CMSS1: variants seen among roughly 807,000 people sequenced by gnomAD.
The protein encoded by CMSS1 is protein CMSS1.
In CMSS1, 33 loss-of-function variants were observed where a neutral mutation model predicts 43.5. The observed-to-expected ratio is 0.76, with a 90% CI of 0.57 to 1.01. The LOEUF (loss-of-function observed/expected upper bound fraction) is 1.01. CMSS1 is among the 50% of genes least tolerant of loss of function. The probability of loss-of-function intolerance (pLI) is 0.00; values close to 1 mark genes in which losing one functional copy is unlikely to be tolerated. For missense variants in CMSS1, 313 were observed against 326.4 expected, an observed-to-expected ratio of 0.96 and a Z score of 0.32; for synonymous variants, 115 against 117.2, an observed-to-expected ratio of 0.98 and a Z score of 0.12.
intron 1 of CMSS1, among the ~76,000 whole-genome samples, chr3:99,820,342 G>A (rs1262046389): frequency 6.6e-6 from 1 of 151,638 alleles, no homozygotes; most frequent in Non-Finnish European, 1.5e-5. Flanking sequence ...GATTACAGGA[G>A]CCTGCCACCA....
intron 1 of CMSS1, among the ~76,000 whole-genome samples, chr3:100,048,684 C>G (rs2065317854): frequency 6.6e-6 from 1 of 152,162 alleles, no homozygotes; most frequent in Admixed American, 6.5e-5. Context: ...CTGTTAACAT[C>G]TCACTAAAGG....
chr3:100,050,048 G>C (rs910220364), intron 1 of CMSS1, among the ~76,000 whole-genome samples: 5 of 152,162 alleles, frequency 3.3e-5, no homozygotes, highest in African/African-American at 1.2e-4. Context: ...AAGCTTCCTA[G>C]TGGCCTAAGT....
intron 1 of CMSS1, among the ~76,000 whole-genome samples, chr3:99,890,588 A>C (rs1390938941): frequency 6.6e-6 from 1 of 152,056 alleles, no homozygotes; most frequent in East Asian, 1.9e-4. Context: ...AATTTCTTTG[A>C]ATTTTTCTTC....
At chr3:99,850,750 A>G in intron 1 of CMSS1, 1 of 1,614,044 alleles carries the variant, frequency 6.2e-7, no homozygotes. Flanking sequence ...CTTCGCCATA[A>G]TTGTGTCTTG....
At chr3:100,009,905 C>G (rs1478839200) in intron 1 of CMSS1, among the ~76,000 whole-genome samples, 1 of 152,152 alleles carries the variant, frequency 6.6e-6, no homozygotes. Flanking sequence ...AAAGTAAATA[C>G]CACTTTCTTT....
At chr3:100,001,447 A>T (rs994174124) in intron 1 of CMSS1, among the ~76,000 whole-genome samples, 3 of 152,232 alleles carry the variant, frequency 2.0e-5, no homozygotes, top group Non-Finnish European at 4.4e-5. Context: ...GATCAAAAAG[A>T]TTATACCATC....
chr3:99,820,208 T>C (rs1268586312), intron 1 of CMSS1, among the ~76,000 whole-genome samples: 1 of 152,084 alleles, frequency 6.6e-6, no homozygotes, highest in Non-Finnish European at 1.5e-5. Context: ...CCCTTTTTTT[T>C]TTTTTGAGAC....
At chr3:100,026,305 G>A (rs1196791576) in intron 1 of CMSS1, among the ~76,000 whole-genome samples, 1 of 152,070 alleles carries the variant, frequency 6.6e-6, no homozygotes. Context: ...GTAGAACTTT[G>A]GGCAGGGATC....
chr3:99,997,889 T>C (rs768726078), intron 1 of CMSS1, among the ~76,000 whole-genome samples: 32 of 152,242 alleles, frequency 2.1e-4, no homozygotes, highest in Non-Finnish European at 4.4e-4. Context: ...TAAAGTATAA[T>C]GCATTTTGAA....
chr3:100,058,195 C>T (rs1363338959), intron 1 of CMSS1, among the ~76,000 whole-genome samples: 1 of 152,204 alleles, frequency 6.6e-6, no homozygotes, highest in Non-Finnish European at 1.5e-5. Context: ...AGAGCCTATG[C>T]TATTACTCTC....
chr3:100,145,824 T>G (rs1403543852), intron 1 of CMSS1, among the ~76,000 whole-genome samples: 1 of 152,230 alleles, frequency 6.6e-6, no homozygotes, highest in East Asian at 1.9e-4. Context: ...TTATGGAAAT[T>G]AATCTGTTCT....
intron 1 of CMSS1, among the ~76,000 whole-genome samples, chr3:100,097,411 C>G (rs1271961468): frequency 3.9e-5 from 6 of 152,192 alleles, no homozygotes; most frequent in Admixed American, 2.6e-4. Flanking sequence ...ATATCACTGA[C>G]TTGAACATCC....
intron 1 of CMSS1, among the ~76,000 whole-genome samples, chr3:99,974,018 T>C (rs1308494518): frequency 6.6e-6 from 1 of 152,256 alleles, no homozygotes; most frequent in Non-Finnish European, 1.5e-5. Flanking sequence ...AATCTGAGAC[T>C]AAGTACCAAT....
At chr3:100,025,192 A>G (rs2064896247) in intron 1 of CMSS1, among the ~76,000 whole-genome samples, 2 of 152,146 alleles carry the variant, frequency 1.3e-5, no homozygotes, top group South Asian at 4.1e-4. Flanking sequence ...GAATTTTCCT[A>G]TGCCTATAGT....
intron 1 of CMSS1, among the ~76,000 whole-genome samples, chr3:100,088,744 A>G (rs755864059): frequency 6.6e-6 from 1 of 151,312 alleles, no homozygotes; most frequent in Admixed American, 6.6e-5. Context: ...GTGCCTTGTA[A>G]TTTCTTTTTC....
chr3:99,929,122 G>T (rs1559691954), intron 1 of CMSS1, among the ~76,000 whole-genome samples: 2 of 152,170 alleles, frequency 1.3e-5, no homozygotes, highest in Non-Finnish European at 2.9e-5. Flanking sequence ...GAAAAATTAT[G>T]AAATTTTCCA....
intron 1 of CMSS1, among the ~76,000 whole-genome samples, chr3:99,818,614 C>T (rs1487982688): frequency 6.6e-6 from 1 of 152,186 alleles, no homozygotes; most frequent in Admixed American, 6.5e-5. Flanking sequence ...TGGTCATCAT[C>T]ATTATCATGG....
At chr3:99,943,807 A>C (rs1306527147) in intron 1 of CMSS1, among the ~76,000 whole-genome samples, 2 of 152,222 alleles carry the variant, frequency 1.3e-5, no homozygotes, top group Non-Finnish European at 2.9e-5. Context: ...ACAGCAGGGG[A>C]AAGAGCATAG....
chr3:99,909,915 A>G (rs1706739609), intron 1 of CMSS1, among the ~76,000 whole-genome samples: 1 of 152,120 alleles, frequency 6.6e-6, no homozygotes, highest in South Asian at 2.1e-4. Flanking sequence ...GAGTTCATTT[A>G]TCATTGTCAA....
Sources: gnomAD v4.1 joint callset for allele counts (sites outside exome capture counted in the v4.1 genomes callset) on GRCh38, gnomAD v4.1.1 for gene constraint, MANE v1.5 for transcripts, NCBI Gene and HGNC (gene_info 2026-07-23, HGNC 2026-07-21) for gene names.